The following ABAT variants were observed in gnomAD, a reference collection of about 807,000 sequenced individuals.
ABAT encodes 4-aminobutyrate aminotransferase, mitochondrial.
In ABAT, 45 loss-of-function variants were observed where a neutral mutation model predicts 64.6. That is an observed-to-expected ratio of 0.70 (90% CI 0.55 to 0.89). ABAT has a LOEUF of 0.89. ABAT is among the 40% of genes least tolerant of loss of function. The pLI is 0.00. For missense variants in ABAT, 633 were observed against 658.4 expected, an observed-to-expected ratio of 0.96 and a Z score of 0.42; for synonymous variants, 297 against 250.5, an observed-to-expected ratio of 1.19 and a Z score of -1.75.
In ABAT at chr16:8,704,243, T is replaced by C. The variant is rs149232319; in HGVS notation, c.-42+29532T>C. Reference sequence around the variant, plus strand: ...ATAGTCTGTTTGGAAGCTCATCTCCTCTTTCCACACCTTCGGAAACCAAAC... The same window carrying C: ...ATAGTCTGTTTGGAAGCTCATCTCCCCTTTCCACACCTTCGGAAACCAAAC... On this transcript the variant is annotated intron_variant, in intron 1 of 15. Coordinates refer to ENST00000268251, the MANE Select transcript of ABAT (RefSeq NM_020686.6). Among the ~76,000 whole-genome samples the C allele has an allele frequency of 4.4e-3, 663 of 152,350 alleles. 6 individuals are homozygous for C. The highest frequency in any genetic ancestry group is 0.016 in the African/African-American group (646 of 41,576).
Position 8,764,896 on chromosome 16 carries a change from C to G in ABAT, c.540+66C>G, listed in dbSNP as rs2059900136. ...CCCAGCACCCAGCCACACGCTCACC[C>G]CTTGTCTGACTGTTCATTCCAATGG... On this transcript the variant is annotated intron_variant, in intron 8 of 15. Coordinates refer to ENST00000268251, the MANE Select transcript of ABAT (RefSeq NM_020686.6). The surrounding 1 kb of genome is among the most constrained non-coding windows in gnomAD (Gnocchi z 4.2). 7.2e-7 allele frequency: 1 copy of G among 1,388,508 alleles called. No individual in the cohort carries two copies. Among genetic ancestry groups the G allele is most frequent in the East Asian group, 2.3e-5 (1 of 43,734 alleles). The allele number at this position is 1,388,508 out of a possible 1,614,324, so 86.0% of individuals were successfully genotyped here. A position where few individuals can be genotyped will look rare whatever the true frequency, so the allele number is the denominator to read the frequency against.
chr16:8,767,212 G>A (rs2059970107), intron 9 of ABAT, among the ~76,000 whole-genome samples: 1 of 152,230 alleles, frequency 6.6e-6, no homozygotes. Context: ...AATGCAAGGA[G>A]TTGCAGCTGT....
intron 1 of ABAT, among the ~76,000 whole-genome samples, chr16:8,726,639 G>A (rs2058565606): frequency 6.6e-6 from 1 of 152,294 alleles, no homozygotes; most frequent in East Asian, 1.9e-4. Flanking sequence ...TGTAAGCAAT[G>A]CTGCAACAAA....
chr16:8,729,149 A>AT (rs61363200), intron 1 of ABAT, among the ~76,000 whole-genome samples: 11 of 144,772 alleles, frequency 7.6e-5, no homozygotes, highest in African/African-American at 2.5e-4. Context: ...TCTACTGAAA[A>AT]AAAAAAAAAT....
intron 14 of ABAT, among the ~76,000 whole-genome samples, chr16:8,777,771 T>C (rs1445868081): frequency 2.0e-5 from 3 of 152,166 alleles, no homozygotes; most frequent in Non-Finnish European, 4.4e-5. Context: ...TCAGTTTCCT[T>C]ATCTGTGTAG....
At chr16:8,775,139 C>T (rs191069641) in intron 13 of ABAT, 82 bp downstream of exon 13, 81 of 1,590,778 alleles carry the variant, frequency 5.1e-5, no homozygotes, top group Non-Finnish European at 5.3e-5. Flanking sequence ...TTCTCACCAT[C>T]GAGGAGCTGG....
chr16:8,768,145 C>A (rs775488254), intron 9 of ABAT, 48 bp from the exon 10 acceptor site: 3 of 1,545,932 alleles, frequency 1.9e-6, no homozygotes, highest in African/African-American at 1.4e-5. Context: ...CAATACAGTT[C>A]CCCCATCCTT....
rs558360375 is a variant in ABAT at position 8,781,503 on chromosome 16, T to C, written c.*73T>C. 52 of 1,597,250 alleles carry C rather than the reference T, an allele frequency of 3.3e-5. No individual in the cohort carries two copies. Among genetic ancestry groups the C allele is most frequent in the Non-Finnish European group, 4.5e-5 (52 of 1,167,340 alleles). On this transcript the variant is annotated 3_prime_UTR_variant, in exon 16 of 16. Coordinates refer to ENST00000268251, the MANE Select transcript of ABAT (RefSeq NM_020686.6). The surrounding 1 kb of genome is among the most constrained non-coding windows in gnomAD (Gnocchi z 4.5). The stretch of plus-strand genomic sequence containing the variant: ...CAAATTGATTAGTTTGCCTAATTCA[T>C]GTTTTCACTTAAAAGTATCAGAGGT...
At chr16:8,700,020 G>A (rs1231917478) in intron 1 of ABAT, among the ~76,000 whole-genome samples, 1 of 151,300 alleles carries the variant, frequency 6.6e-6, no homozygotes, top group Non-Finnish European at 1.5e-5. Flanking sequence ...TGAGTTATAC[G>A]ATGTTGCCCA....
chr16:8,687,576 T>G (rs1009381498), intron 1 of ABAT, among the ~76,000 whole-genome samples: 4 of 152,198 alleles, frequency 2.6e-5, no homozygotes, highest in African/African-American at 9.7e-5. Context: ...GCTGTTTGTT[T>G]GGACTGAGCA....
At chr16:8,754,043 C>T (rs537871256) in intron 5 of ABAT, among the ~76,000 whole-genome samples, 9 of 151,952 alleles carry the variant, frequency 5.9e-5, no homozygotes, top group South Asian at 2.1e-4. Context: ...CATAAAGTCT[C>T]CTTTCAAAGC....
rs2060479275 is a variant in ABAT at position 8,783,231 on chromosome 16, C to G, written c.*1801C>G. 1 of 152,072 alleles carries G rather than the reference C, an allele frequency of 6.6e-6. No individual in the cohort carries two copies. The highest frequency in any genetic ancestry group is 2.1e-4 in the South Asian group (1 of 4,824). The allele number at this position is 152,072 out of a possible 1,614,324, so 9.4% of individuals were successfully genotyped here. A position where few individuals can be genotyped will look rare whatever the true frequency, so the allele number is the denominator to read the frequency against. On this transcript the variant is annotated 3_prime_UTR_variant, in exon 16 of 16. Transcript: ENST00000268251. ...ACCTAACTTTCATTAAATAGCTGCA[C>G]CATCCCAGGCCCTGTGCGGAGCATC...
chr16:8,757,115 A>G (rs1168029267), intron 5 of ABAT: 1 of 454,334 alleles, frequency 2.2e-6, no homozygotes, highest in Non-Finnish European at 4.4e-6. Context: ...GGGCCTGTTG[A>G]ACCACACTCC....
At chr16:8,753,078 C>T (rs138631279) in intron 5 of ABAT, among the ~76,000 whole-genome samples, 1 of 151,608 alleles carries the variant, frequency 6.6e-6, no homozygotes, top group East Asian at 1.9e-4. Context: ...AACTCTCTGC[C>T]TCCCAAGCTT....
intron 8 of ABAT, among the ~76,000 whole-genome samples, 199 bp downstream of exon 8, chr16:8,765,029 G>T (rs979963800): frequency 2.6e-5 from 4 of 152,058 alleles, no homozygotes; most frequent in Admixed American, 2.0e-4. Flanking sequence ...TGAGGCTTTG[G>T]CATCAAAACT....
chr16:8,693,481 G>C (rs1474717616), intron 1 of ABAT, among the ~76,000 whole-genome samples: 3 of 151,920 alleles, frequency 2.0e-5, no homozygotes, highest in Non-Finnish European at 4.4e-5. Context: ...TTAGTTTTTT[G>C]AGACAGACTC....
intron 4 of ABAT, 116 bp downstream of exon 4, chr16:8,748,253 C>A (rs1448699601): frequency 6.0e-6 from 6 of 997,298 alleles, no homozygotes; most frequent in Non-Finnish European, 9.1e-6. Flanking sequence ...GACTTTTGTT[C>A]TAAACATTTT....
intron 1 of ABAT, among the ~76,000 whole-genome samples, chr16:8,696,851 C>T (rs2057714209): frequency 6.6e-6 from 1 of 152,148 alleles, no homozygotes; most frequent in South Asian, 2.1e-4. Context: ...GGAGGAAGCT[C>T]CTCAGGTTAA....
intron 1 of ABAT, among the ~76,000 whole-genome samples, chr16:8,698,721 G>C (rs1464894352): frequency 2.0e-5 from 3 of 152,182 alleles, no homozygotes; most frequent in African/African-American, 4.8e-5. Flanking sequence ...AAGGTGGGCA[G>C]ATCACGTGAG....
Sources: allele counts gnomAD v4.1 joint callset (sites outside exome capture counted in the v4.1 genomes callset), GRCh38; gene constraint gnomAD v4.1.1; non-coding constraint Gnocchi (gnomAD v3.1); transcripts MANE v1.5; gene names NCBI Gene and HGNC (gene_info 2026-07-23, HGNC 2026-07-21).